Variants in TMEM182 observed in about 807,000 individuals in gnomAD.
TMEM182 encodes transmembrane protein 182.
In TMEM182, 20 loss-of-function variants were observed where a neutral mutation model predicts 26.8. The observed-to-expected ratio is 0.75, with a 90% CI of 0.53 to 1.09. The LOEUF is 1.09. Ranked by LOEUF, TMEM182 falls within the 50% of genes least tolerant of loss-of-function variation. The pLI is 0.00. For synonymous variants in TMEM182, 109 were observed against 102.2 expected (o/e 1.07, Z -0.40); for missense variants, 277 against 275.5 (o/e 1.01, Z -0.04).
chr2:102,785,136 G>A (rs1049366763), intron 3 of TMEM182, among the ~76,000 whole-genome samples: 8 of 152,060 alleles, frequency 5.3e-5, no homozygotes, highest in Admixed American at 3.3e-4. Flanking sequence ...CCAGTATGAC[G>A]TGTTCCTTAC....
chr2:102,774,362 TCTC>T (rs1002711070), intron 3 of TMEM182, among the ~76,000 whole-genome samples: 2 of 149,158 alleles, frequency 1.3e-5, no homozygotes, highest in Non-Finnish European at 3.0e-5. Context: ...TTCAAGCAAT[TCTC>T]CTGCTTCAGC....
rs375662962 is a variant in TMEM182, at chr2:102,797,855, G to A, written c.332-8G>A. On this transcript the variant is annotated splice_polypyrimidine_tract_variant and splice_region_variant and intron_variant, in intron 3 of 4. Coordinates refer to ENST00000412401, the MANE Select transcript of TMEM182 (RefSeq NM_144632.5). ...CTTTCTTTTCTCTTTTCCTCCTGGG[G>A]TCTCCAGTTTACCGTGGTTTCTGGG... The A allele has an allele frequency of 1.9e-6, 3 of 1,606,276 alleles. No homozygotes were observed. The African/African-American group carries it at 4.1e-5, about 22-fold the overall frequency.
chr2:102,838,672 C>A (rs887236720), intron 3 of TMEM182, among the ~76,000 whole-genome samples: 3 of 152,122 alleles, frequency 2.0e-5, no homozygotes, highest in African/African-American at 7.2e-5. Flanking sequence ...ACAACAGGGG[C>A]TGGACGACCA....
At position 102,797,843 on chromosome 2, in the gene TMEM182, T is replaced by G; in HGVS notation, c.332-20T>G. ...AAGTGTATTTTTCTTTCTTTTCTCT[T>G]TTCCTCCTGGGGTCTCCAGTTTACC... On this transcript the variant is annotated intron_variant, in intron 3 of 4. Transcript: ENST00000412401. 1 of 1,595,962 alleles carries G rather than the reference T, an allele frequency of 6.3e-7. No homozygotes were observed. The highest frequency in any genetic ancestry group is 8.5e-7 in the Non-Finnish European group (1 of 1,175,306).
At chr2:102,798,558 G>A (rs1343451531) in intron 4 of TMEM182, among the ~76,000 whole-genome samples, 1 of 152,132 alleles carries the variant, frequency 6.6e-6, no homozygotes. Context: ...GTTTGTTGAT[G>A]CCAGGTGTGG....
At chr2:102,823,904 C>T (rs1163468057) in intron 3 of TMEM182, among the ~76,000 whole-genome samples, 2 of 152,198 alleles carry the variant, frequency 1.3e-5, no homozygotes, top group Non-Finnish European at 2.9e-5. Flanking sequence ...AAAGGCGTAT[C>T]ATAATATTGC....
chr2:102,741,771 C>T (rs1175571353), intron 1 of TMEM182, among the ~76,000 whole-genome samples: 1 of 152,028 alleles, frequency 6.6e-6, no homozygotes, highest in African/African-American at 2.4e-5. Context: ...AAGATGCAGA[C>T]TAATTAAGAA....
chr2:102,777,819 G>A (rs1680987509), intron 3 of TMEM182, among the ~76,000 whole-genome samples: 1 of 144,720 alleles, frequency 6.9e-6, no homozygotes, highest in Non-Finnish European at 1.5e-5. Context: ...ATGACTTCCA[G>A]TACTACGTTT....
At chr2:102,798,808 T>G (rs1681990815) in intron 4 of TMEM182, among the ~76,000 whole-genome samples, 1 of 152,130 alleles carries the variant, frequency 6.6e-6, no homozygotes, top group Non-Finnish European at 1.5e-5. Context: ...CCACTGCACT[T>G]CAGCCTGGAT....
At chr2:102,824,685 CATG>C (rs1467435249) in intron 3 of TMEM182, among the ~76,000 whole-genome samples, 2 of 152,076 alleles carry the variant, frequency 1.3e-5, no homozygotes, top group Non-Finnish European at 2.9e-5. Flanking sequence ...ATTAGCCAGG[CATG>C]GTGGTGGTGT....
chr2:102,764,278 C>A, intron 2 of TMEM182, 51 bp from the exon 3 acceptor site: 1 of 1,562,160 alleles, frequency 6.4e-7, no homozygotes, highest in South Asian at 1.1e-5. Flanking sequence ...AAGGATGAGT[C>A]ATGACTGAGC....
chr2:102,791,413 T>C (rs1278208066), intron 3 of TMEM182, among the ~76,000 whole-genome samples: 3 of 152,250 alleles, frequency 2.0e-5, no homozygotes, highest in African/African-American at 7.2e-5. Flanking sequence ...AATAAGGTTT[T>C]GAAATAAGTT....
intron 3 of TMEM182, among the ~76,000 whole-genome samples, chr2:102,839,692 A>C (rs954167383): frequency 6.6e-6 from 1 of 152,130 alleles, no homozygotes; most frequent in Non-Finnish European, 1.5e-5. Flanking sequence ...ACTCAAATGC[A>C]ATGTAGCTCT....
At position 102,834,334 on chromosome 2, in the gene TMEM182, T is replaced by G. The variant is rs191724761; in HGVS notation, c.326-9078T>G. On this transcript the variant is annotated intron_variant, in intron 3 of 3. Coordinates refer to the TMEM182 transcript ENST00000486293. Reference sequence around the variant, plus strand: ...CATTTACCATCTTAGGACTCGTCTGTTTTTTTCTGTATATTGTAACATTTC... The same window carrying G: ...CATTTACCATCTTAGGACTCGTCTGGTTTTTTCTGTATATTGTAACATTTC... 3 of 972,218 alleles carry G rather than the reference T, an allele frequency of 3.1e-6. No individual in the cohort carries two copies. In the East Asian group the frequency reaches 3.4e-4, roughly 111 times the overall value. 60.2% of individuals were successfully genotyped at this position (972,218 alleles called of 1,614,324 possible).
chr2:102,758,832 T>C (rs1680123732), upstream of TMEM182, among the ~76,000 whole-genome samples: 1 of 152,222 alleles, frequency 6.6e-6, no homozygotes, highest in African/African-American at 2.4e-5. Flanking sequence ...TGAACACATA[T>C]GAAAGGTTGG....
intron 3 of TMEM182, among the ~76,000 whole-genome samples, chr2:102,832,384 T>C (rs1683170287): frequency 1.3e-5 from 2 of 152,240 alleles, no homozygotes; most frequent in South Asian, 2.1e-4. Flanking sequence ...AAGACCTCAC[T>C]CAGCTTAATA....
At chr2:102,753,423 C>G (rs539480245) in intron 1 of TMEM182, among the ~76,000 whole-genome samples, 6 of 152,272 alleles carry the variant, frequency 3.9e-5, no homozygotes, top group Non-Finnish European at 8.8e-5. Context: ...TAGTCATGTT[C>G]AGTGTAAACT....
chr2:102,788,158 G>A (rs56082944), intron 3 of TMEM182, among the ~76,000 whole-genome samples: 5,256 of 152,296 alleles, frequency 0.035, 139 homozygotes, highest in Non-Finnish European at 0.053. Flanking sequence ...ATCCTCCTGT[G>A]TAACAGGGAT....
chr2:102,751,776 C>G (rs920635528), intron 1 of TMEM182, among the ~76,000 whole-genome samples: 1 of 152,174 alleles, frequency 6.6e-6, no homozygotes, highest in South Asian at 2.1e-4. Flanking sequence ...AAGCGATCCT[C>G]CTGCCTTAGC....
Sources: gnomAD v4.1 joint callset for allele counts (sites outside exome capture counted in the v4.1 genomes callset) on GRCh38, gnomAD v4.1.1 for gene constraint, MANE v1.5 for transcripts, NCBI Gene and HGNC (gene_info 2026-07-23, HGNC 2026-07-21) for gene names.